Variants in SPRR5 observed in about 807,000 individuals in gnomAD.
SPRR5 encodes small proline rich protein 5.
chr1:152,948,596 G>C (rs1651123432), exon 2 of SPRR5: 1 of 221,306 alleles, frequency 4.5e-6, no homozygotes, highest in Non-Finnish European at 8.4e-6. Context: ...CCCCGCAGCA[G>C]TGCTGCCCCC....
At chr1:152,947,351 G>A (rs1400418901) in intron 1 of SPRR5, 103 bp downstream of exon 1, 2 of 152,370 alleles carry the variant, frequency 1.3e-5, no homozygotes, top group African/African-American at 4.8e-5. Flanking sequence ...CAGAAAGGAT[G>A]GGTCTTTTGG....
chr1:152,948,590 G>A (rs989623570), exon 2 of SPRR5: 5 of 92,866 alleles, frequency 5.4e-5, no homozygotes, highest in Admixed American at 2.0e-4. Flanking sequence ...GTGCTCCCCC[G>A]CAGCAGTGCT....
At position 152,947,658 on chromosome 1, in the gene SPRR5, T is replaced by A. The variant is rs1006730786; in HGVS notation, c.-19+410T>A. Among the ~76,000 whole-genome samples, 7 of 152,078 alleles carry A rather than the reference T, an allele frequency of 4.6e-5. No individual in the cohort carries two copies. The East Asian group carries it at 1.4e-3, about 29-fold the overall frequency. ...ACAGACTCCCTTGGGACAGCAGAGT[T>A]GTGGATGTCCATGGAGCAAAGGGCT... is the stretch of plus-strand genomic sequence containing the variant. On this transcript the variant is annotated intron_variant, in intron 1 of 1. Coordinates refer to ENST00000636302, the Ensembl canonical transcript of SPRR5.
rs1651124730 is a variant in SPRR5 at position 152,948,616 on chromosome 1, A to AGT, written c.63_64insTG (p.Arg22CysfsTer105). On this transcript the variant is annotated frameshift_variant, in exon 2 of 2. Transcript: ENST00000636302. LOFTEE classifies it high-confidence loss of function. ...CAGCAGTGCTGCCCCCCACCCCAGCAGCGCTGCCCCCCACCCCAGCAGTGC... is the reference window on the plus strand; with the variant it reads ...CAGCAGTGCTGCCCCCCACCCCAGCAGTGCGCTGCCCCCCACCCCAGCAGTGC... The AGT allele has an allele frequency of 1.4e-4, 3 of 22,062 alleles. No homozygotes were observed. Among genetic ancestry groups the AGT allele is most frequent in the Admixed American group, 6.0e-4 (1 of 1,662 alleles). 1.4% of individuals were successfully genotyped at this position (22,062 alleles called of 1,614,324 possible).
intron 1 of SPRR5, among the ~76,000 whole-genome samples, chr1:152,948,262 C>T (rs988252656): frequency 6.6e-6 from 1 of 151,792 alleles, no homozygotes; most frequent in Non-Finnish European, 1.5e-5. Context: ...TTCTTTTCAA[C>T]CCCTCCTAAC....
rs374539586 is a variant in SPRR5, at chr1:152,949,039, C to T, written c.*158C>T. The T allele has an allele frequency of 9.2e-4, 144 of 156,942 alleles. 2 individuals carry two copies. The South Asian group carries it at 0.028, about 31-fold the overall frequency. The allele number at this position is 156,942 out of a possible 1,614,324, so 9.7% of individuals were successfully genotyped here. On this transcript the variant is annotated 3_prime_UTR_variant, in exon 2 of 2. Transcript: ENST00000636302. ...CACTTGCAGGAGAGGCAGCACCAGGCTGGCAGCTGGCGGCTTCCTCGAGCT... is the reference window on the plus strand; with the variant it reads ...CACTTGCAGGAGAGGCAGCACCAGGTTGGCAGCTGGCGGCTTCCTCGAGCT...
chr1:152,948,141 G>A (rs1651106815), intron 1 of SPRR5, among the ~76,000 whole-genome samples: 1 of 152,010 alleles, frequency 6.6e-6, no homozygotes, highest in African/African-American at 2.4e-5. Flanking sequence ...CAGATCCCAG[G>A]CAATTTATTC....
chr1:152,949,110 T>C (rs115813648), exon 2 of SPRR5: 1,617 of 152,692 alleles, frequency 0.011, 19 homozygotes, highest in Non-Finnish European at 0.018. Context: ...CAGACAAGGA[T>C]CTGGTTCTAA....
chr1:152,947,346 A>C (rs532766837), intron 1 of SPRR5, 98 bp downstream of exon 1: 2 of 152,488 alleles, frequency 1.3e-5, no homozygotes, highest in African/African-American at 4.8e-5. Flanking sequence ...GTGGTCAGAA[A>C]GGATGGGTCT....
chr1:152,947,878 T>C (rs772010251), intron 1 of SPRR5, among the ~76,000 whole-genome samples: 10 of 152,194 alleles, frequency 6.6e-5, no homozygotes, highest in Non-Finnish European at 1.5e-4. Context: ...ATAAACTCCT[T>C]TAGAGAGTGG....
chr1:152,947,909 T>A (rs1419569068), intron 1 of SPRR5, among the ~76,000 whole-genome samples: 1 of 152,226 alleles, frequency 6.6e-6, no homozygotes, highest in Non-Finnish European at 1.5e-5. Flanking sequence ...CCTTTTAAAT[T>A]GTTTATGAAT....
In SPRR5 at chr1:152,948,664, GC is replaced by G; in HGVS notation, c.116del (p.Pro39HisfsTer87). The G allele has an allele frequency of 8.1e-6, 1 of 122,872 alleles. No homozygotes were observed. The highest frequency in any genetic ancestry group is 1.6e-5 in the Non-Finnish European group (1 of 63,318). 7.6% of individuals were successfully genotyped at this position (122,872 alleles called of 1,614,324 possible). On this transcript the variant is annotated frameshift_variant, in exon 2 of 2. Coordinates refer to ENST00000636302, the Ensembl canonical transcript of SPRR5. LOFTEE classifies it high-confidence loss of function. ...TGCTGCCCCCCGCCTCAACAGTGCT[GC>G]CCCCCACCCCAGCAGTGCTGCCCGC...
intron 1 of SPRR5, among the ~76,000 whole-genome samples, chr1:152,947,680 G>A (rs1191232192): frequency 6.6e-6 from 1 of 152,134 alleles, no homozygotes; most frequent in African/African-American, 2.4e-5. Context: ...TGGAGCAAAG[G>A]GCTGCAGGGA....
At chr1:152,947,463 G>T (rs1570932521) in intron 1 of SPRR5, among the ~76,000 whole-genome samples, 1 of 152,134 alleles carries the variant, frequency 6.6e-6, no homozygotes, top group South Asian at 2.1e-4. Flanking sequence ...GGAGAAGGAG[G>T]GGGGTATCTA....
intron 1 of SPRR5, among the ~76,000 whole-genome samples, 151 bp from the exon 2 acceptor site, chr1:152,948,386 G>GCGCACA (rs5777836): frequency 1.5e-4 from 23 of 149,946 alleles, no homozygotes; most frequent in African/African-American, 5.4e-4. Context: ...ATGCGCGCGC[G>GCGCACA]CACACACACA....
intron 1 of SPRR5, among the ~76,000 whole-genome samples, chr1:152,947,467 G>C (rs916182212): frequency 6.6e-6 from 1 of 152,264 alleles, no homozygotes; most frequent in Non-Finnish European, 1.5e-5. Context: ...AAGGAGGGGG[G>C]TATCTACAAG....
intron 1 of SPRR5, among the ~76,000 whole-genome samples, chr1:152,948,314 C>G (rs1423834000): frequency 1.3e-5 from 2 of 151,960 alleles, no homozygotes; most frequent in Non-Finnish European, 2.9e-5. Context: ...ATCTTTCCTT[C>G]CTTCCATGTT....
chr1:152,947,858 T>C (rs1297349813), intron 1 of SPRR5, among the ~76,000 whole-genome samples: 1 of 152,132 alleles, frequency 6.6e-6, no homozygotes, highest in Non-Finnish European at 1.5e-5. Context: ...ATCTCTAGAG[T>C]TTTCTCTTTA....
chr1:152,947,513 T>G (rs1651089854), intron 1 of SPRR5, among the ~76,000 whole-genome samples: 2 of 151,996 alleles, frequency 1.3e-5, no homozygotes, highest in Admixed American at 1.3e-4. Flanking sequence ...TGGCATGGTG[T>G]GGGTGTTGCA....
Sources: gnomAD v4.1 joint callset for allele counts (sites outside exome capture counted in the v4.1 genomes callset) on GRCh38, gnomAD v4.1.1 for gene constraint, MANE v1.5 for transcripts, NCBI Gene and HGNC (gene_info 2026-07-23, HGNC 2026-07-21) for gene names.